Variants in LCT observed in about 807,000 individuals in gnomAD.
LCT encodes lactase, also known as lactase/phlorizin hydrolase.
LCT carries 90 observed loss-of-function variants against 173.0 expected under a neutral mutation model. The observed-to-expected ratio is 0.52, with a 90% CI of 0.44 to 0.62. The LOEUF is 0.62. Ranked by LOEUF, LCT falls within the 20% of genes least tolerant of loss-of-function variation. LCT has a pLI of 0.00. For missense variants in LCT, 1,864 were observed against 2,431.4 expected, an observed-to-expected ratio of 0.77 and a Z score of 4.91; for synonymous variants, 853 against 957.6, an observed-to-expected ratio of 0.89 and a Z score of 2.02.
rs146206234 is a variant in LCT at position 135,817,587 on chromosome 2, C to T, written c.1461G>A (p.Ala487=). The part of the protein sequence containing the change: ...YNKLIDRLQD[A]GIEPMATLFH... Reference sequence around the variant, plus strand: ...ACAGCGTGGCCATGGGCTCGATGCCCGCATCCTGTAGCCTGTCAATCAGCT... The same window carrying T: ...ACAGCGTGGCCATGGGCTCGATGCCTGCATCCTGTAGCCTGTCAATCAGCT... The change falls in exon 6 of 17, where the codon GCG becomes GCA. Residue 487 remains alanine, a synonymous_variant. Coordinates refer to ENST00000264162, the MANE Select transcript of LCT (RefSeq NM_002299.4). The T allele has an allele frequency of 3.0e-4, 478 of 1,614,108 alleles. 2 individuals are homozygous for T. Among genetic ancestry groups the T allele is most frequent in the East Asian group, 1.8e-3 (81 of 44,870 alleles).
At chr2:135,796,858 C>T (rs1240576818) in intron 13 of LCT, among the ~76,000 whole-genome samples, 4 of 151,920 alleles carry the variant, frequency 2.6e-5, no homozygotes, top group African/African-American at 7.3e-5. Context: ...GATCACAGTT[C>T]GCAGATCAGA....
chr2:135,794,877 A>G, intron 13 of LCT, 102 bp from the exon 14 acceptor site: 1 of 1,346,772 alleles, frequency 7.4e-7, no homozygotes, highest in South Asian at 1.2e-5. Context: ...AACCCCAGGC[A>G]CTTGGCAGTG....
rs778578461 is a variant in LCT, at chr2:135,810,026, T to C, written c.2354-33A>G. ...GAAAAATAAAAATTAGATTTATTTATTTATGGATTTATTTAATTGAGATGG... is the reference window on the plus strand; with the variant it reads ...GAAAAATAAAAATTAGATTTATTTACTTATGGATTTATTTAATTGAGATGG... On this transcript the variant is annotated intron_variant, in intron 7 of 16. Coordinates refer to ENST00000264162, the MANE Select transcript of LCT (RefSeq NM_002299.4). 7 of 1,420,164 alleles carry C rather than the reference T, an allele frequency of 4.9e-6. No homozygotes were observed. The East Asian group carries it at 1.7e-4, about 35-fold the overall frequency. 88.0% of individuals were successfully genotyped at this position (1,420,164 alleles called of 1,614,324 possible).
At position 135,808,969 on chromosome 2, in the gene LCT, T is replaced by A; in HGVS notation, c.3378A>T (p.Thr1126=). 1 of 1,613,120 alleles carries A rather than the reference T, an allele frequency of 6.2e-7. No homozygotes were observed. Among genetic ancestry groups the A allele is most frequent in the Non-Finnish European group, 8.5e-7 (1 of 1,179,252 alleles). ...QKGVISLSLS[T]HWAEPKSPGV... is the part of the protein sequence containing the mutation. ...CTGGTGACTTGGGCTCTGCCCAGTGTGTACTGAGGCTCAGCGAGATGACCC... is the reference window on the plus strand; with the variant it reads ...CTGGTGACTTGGGCTCTGCCCAGTGAGTACTGAGGCTCAGCGAGATGACCC... Residue 1126 remains threonine (T), a synonymous_variant, in exon 8 of 17, where the codon ACA becomes ACT. Transcript: ENST00000264162.
chr2:135,836,290 A>T (rs931334532), intron 1 of LCT, among the ~76,000 whole-genome samples: 3 of 152,136 alleles, frequency 2.0e-5, no homozygotes, highest in African/African-American at 7.2e-5. Flanking sequence ...AAGTGCTAGG[A>T]TTACAGGCGT....
At position 135,822,178 on chromosome 2, in the gene LCT, C is replaced by T. The variant is rs937670914; in HGVS notation, c.908-80G>A. On this transcript the variant is annotated intron_variant, in intron 4 of 16. Transcript: ENST00000264162. ...AGTCTGAAATCAACAGTTTTCCTCG[C>T]TCATACGACACACCCAAACTCCAAG... is the stretch of plus-strand genomic sequence containing the variant. 12 of 874,730 alleles carry T rather than the reference C, an allele frequency of 1.4e-5. No homozygotes were observed. In the Admixed American group the frequency reaches 2.1e-4, roughly 15 times the overall value. 54.2% of individuals were successfully genotyped at this position (874,730 alleles called of 1,614,324 possible).
intron 6 of LCT, among the ~76,000 whole-genome samples, chr2:135,813,403 A>G (rs1379902239): frequency 6.6e-6 from 1 of 152,244 alleles, no homozygotes; most frequent in Non-Finnish European, 1.5e-5. Context: ...CAACACCAAT[A>G]TCATCAACAA....
In LCT at chr2:135,836,016, GTA is replaced by G. The variant is rs1368182722; in HGVS notation, c.640+512_640+513del. On this transcript the variant is annotated intron_variant, in intron 1 of 16. Coordinates refer to ENST00000264162, the MANE Select transcript of LCT (RefSeq NM_002299.4). ...TATATATATATATATATATATATAT[GTA>G]TACATATTTTTTTTTTTTGAGATTG... is the stretch of plus-strand genomic sequence containing the variant. 8.7e-3 allele frequency among the ~76,000 whole-genome samples: 220 copies of G among 25,274 alleles called. 5 individuals carry two copies. The highest frequency in any genetic ancestry group is 0.015 in the African/African-American group (179 of 11,600). The allele number at this position is 25,274 out of a possible 152,430, so 16.6% of individuals were successfully genotyped here.
rs1348396982 is a variant in LCT at position 135,809,275 on chromosome 2, G to A, written c.3072C>T (p.Pro1024=). 1.2e-6 allele frequency: 2 copies of A among 1,614,174 alleles called. No individual in the cohort carries two copies. Among genetic ancestry groups the A allele is most frequent in the Non-Finnish European group, 1.7e-6 (2 of 1,180,012 alleles). ...AGCCTCCGATATCCTGGAGGGCCTGGGGCAGGTCCCAATGGAACAATGTCA... is the reference window on the plus strand; with the variant it reads ...AGCCTCCGATATCCTGGAGGGCCTGAGGCAGGTCCCAATGGAACAATGTCA... ...PMVTLFHWDL[P]QALQDIGGWE... Residue 1024 remains proline, a synonymous_variant, in exon 8 of 17, where the codon CCC becomes CCT. Transcript: ENST00000264162. This position sits in a 1 kb window ranked among gnomAD's most constrained non-coding sequence, Gnocchi z 5.5.
In LCT at chr2:135,804,838, T is replaced by C; in HGVS notation, c.4393A>G (p.Ile1465Val). ...RILPDGTTRY[I>V]NEAGLNYYVR... ...TAGTAGTTCAGGCCCGCTTCATTGATGTACCTGGTGGTTCCATCAGGGAGG... is the reference window on the plus strand; with the variant it reads ...TAGTAGTTCAGGCCCGCTTCATTGACGTACCTGGTGGTTCCATCAGGGAGG... Residue 1465 changes from isoleucine to valine, a missense_variant, in exon 10 of 17, where the codon ATC becomes GTC. Ile to Val is a conservative substitution (Grantham distance 29). Transcript: ENST00000264162. 6.2e-7 allele frequency: 1 copy of C among 1,614,070 alleles called. No homozygotes were observed. Among genetic ancestry groups the C allele is most frequent in the Non-Finnish European group, 8.5e-7 (1 of 1,180,032 alleles).
At chr2:135,833,565 G>A (rs1298606711) in intron 1 of LCT, among the ~76,000 whole-genome samples, 1 of 148,744 alleles carries the variant, frequency 6.7e-6, no homozygotes, top group African/African-American at 2.5e-5. Context: ...TCCTGCCTCA[G>A]CCTCCCGAGT....
intron 13 of LCT, among the ~76,000 whole-genome samples, chr2:135,796,471 C>T (rs76098274): frequency 0.016 from 2,450 of 152,308 alleles, 58 homozygotes; most frequent in African/African-American, 0.056. Context: ...GCTGGTCTCC[C>T]CACTCTCAGC....
At chr2:135,803,800 C>T in intron 11 of LCT, 130 bp downstream of exon 11, 1 of 800,236 alleles carries the variant, frequency 1.2e-6, no homozygotes, top group Admixed American at 2.0e-5. Flanking sequence ...CTCTACAGCC[C>T]TGAGCAAGAG....
At chr2:135,811,701 TAAA>T (rs59187404) in intron 7 of LCT, among the ~76,000 whole-genome samples, 2,159 of 109,254 alleles carry the variant, frequency 0.02, 50 homozygotes, top group African/African-American at 0.066. Context: ...ACCCTGATTC[TAAA>T]AAAAAAAAAA....
rs1431140833 is a variant in LCT, at chr2:135,809,693, T to G, written c.2654A>C (p.Glu885Ala). 1 of 1,614,244 alleles carries G rather than the reference T, an allele frequency of 6.2e-7. No homozygotes were observed. Among genetic ancestry groups the G allele is most frequent in the South Asian group, 1.1e-5 (1 of 91,086 alleles). ...EVPSKAKVVW[E>A]KFSSQPKFER... is the part of the protein sequence containing the mutation. ...GAACTTGGGTTGGCTGGAGAACTTT[T>G]CCCAAACGACTTTAGCCTTGGAGGG... Residue 885 changes from glutamate (E) to alanine (A), a missense_variant, in exon 8 of 17, where the codon GAA becomes GCA. Transcript: ENST00000264162. The surrounding 1 kb of genome is among the most constrained non-coding windows in gnomAD (Gnocchi z 5.5).
chr2:135,790,730 G>A lies in LCT; in HGVS notation c.5263C>T (p.Arg1755Trp), dbSNP rs763787706. 10 of 1,613,510 alleles carry A rather than the reference G, an allele frequency of 6.2e-6. No homozygotes were observed. The highest frequency in any genetic ancestry group is 4.5e-5 in the East Asian group (2 of 44,888). The change falls in exon 15 of 17, where the codon CGG becomes TGG. Residue 1755 changes from arginine to tryptophan, a missense_variant. Physicochemically the swap from Arg to Trp is moderately radical, Grantham distance 101. This residue lies in a region of LCT where 514 missense variants were observed against 750.1 expected (regional missense o/e 0.69). Transcript: ENST00000264162. This position sits in a 1 kb window ranked among gnomAD's most constrained non-coding sequence, Gnocchi z 4.1. ...GTGTCATTGAGGTCTGTTTCTTCCCGCTGGGACACTCCATTCTCTGTGACA... is the reference window on the plus strand; with the variant it reads ...GTGTCATTGAGGTCTGTTTCTTCCCACTGGGACACTCCATTCTCTGTGACA... The part of the protein sequence containing the change: ...IYVTENGVSQ[R>W]EETDLNDTAR...
In LCT at chr2:135,805,161, G is replaced by A; in HGVS notation, c.4174-104C>T. ...CAAGTCAGGACGTTTACTCTTTTGT[G>A]ATAACGCTTAGCTTAAAACAAGCAC... is the stretch of plus-strand genomic sequence containing the variant. On this transcript the variant is annotated intron_variant, in intron 9 of 16. Coordinates refer to ENST00000264162, the MANE Select transcript of LCT (RefSeq NM_002299.4). 3 of 1,135,662 alleles carry A rather than the reference G, an allele frequency of 2.6e-6. No individual in the cohort carries two copies. In the East Asian group the frequency reaches 7.1e-5, roughly 27 times the overall value. The allele number at this position is 1,135,662 out of a possible 1,614,324, so 70.3% of individuals were successfully genotyped here.
intron 5 of LCT, among the ~76,000 whole-genome samples, chr2:135,821,418 C>T (rs940713068): frequency 6.6e-6 from 1 of 152,156 alleles, no homozygotes; most frequent in Non-Finnish European, 1.5e-5. Flanking sequence ...TCTTACTCAT[C>T]ATGTAACTTC....
rs767330851 is a variant in LCT at position 135,810,183 on chromosome 2, T to TGCA, written c.2354-193_2354-191dup. 84 of 582,346 alleles carry TGCA rather than the reference T, an allele frequency of 1.4e-4. No individual in the cohort carries two copies. In the South Asian group the frequency reaches 1.9e-3, roughly 13 times the overall value. The allele number at this position is 582,346 out of a possible 1,614,324, so 36.1% of individuals were successfully genotyped here. A position where few individuals can be genotyped will look rare whatever the true frequency, so the allele number is the denominator to read the frequency against. ...TATTTATCTTTTAAAGACTAGTCAGTGCAGTAGTGAGAAGGGGGAGAAGGG... is the reference window on the plus strand; with the variant it reads ...TATTTATCTTTTAAAGACTAGTCAGTGCAGCAGTAGTGAGAAGGGGGAGAAGGG... On this transcript the variant is annotated intron_variant, in intron 7 of 16. Transcript: ENST00000264162.
Sources: gnomAD v4.1 joint callset for allele counts (sites outside exome capture counted in the v4.1 genomes callset) on GRCh38, gnomAD v4.1.1 for gene constraint, gnomAD v4.1.1 regional missense constraint, Gnocchi (gnomAD v3.1) non-coding constraint, MANE v1.5 for transcripts, NCBI Gene and HGNC (gene_info 2026-07-23, HGNC 2026-07-21) for gene names.